NOM1: variants seen among roughly 807,000 people sequenced by gnomAD.
The protein encoded by NOM1 is nucleolar MIF4G domain-containing protein 1.
NOM1 carries 58 observed loss-of-function variants against 73.3 expected under a neutral mutation model. That is an observed-to-expected ratio of 0.79 (90% CI 0.64 to 0.99). The LOEUF is 0.99. Among genes scored for constraint, NOM1 ranks in the 50% least tolerant of loss-of-function variants. The pLI, the probability that NOM1 is intolerant of heterozygous loss-of-function variation, is 0.00. For missense variants in NOM1, 1,226 were observed against 1,131.9 expected, an observed-to-expected ratio of 1.08 and a Z score of -1.19; for synonymous variants, 487 against 446.8, an observed-to-expected ratio of 1.09 and a Z score of -1.14.
chr7:156,957,504 GGTGGCTC>G (rs1804751342), intron 3 of NOM1, among the ~76,000 whole-genome samples: 1 of 152,146 alleles, frequency 6.6e-6, no homozygotes, highest in Admixed American at 6.5e-5. Context: ...AGCCGGGTGT[GGTGGCTC>G]ACGCCTGTAA....
At chr7:156,962,926 C>A in intron 5 of NOM1, 82 bp from the exon 6 acceptor site, 1 of 1,460,682 alleles carries the variant, frequency 6.8e-7, no homozygotes, top group South Asian at 1.3e-5. Context: ...ATGTCATGGT[C>A]AAAAACAAAA....
rs1247831354 is a variant in NOM1, at chr7:156,966,296, G to A, written c.2060G>A (p.Arg687Lys). The change falls in exon 8 of 11, where the codon AGA (arginine) becomes AAA (lysine). Residue 687 changes from arginine to lysine, a missense_variant. Physicochemically the swap from Arg to Lys is conservative, Grantham distance 26. Coordinates refer to ENST00000275820, the MANE Select transcript of NOM1 (RefSeq NM_138400.2). ...LKLGLKDQQE[R>K]EIIHVLMDCC... ...CTTGGACTTAAGGATCAGCAGGAGA[G>A]AGAAATCATTCACGTTCTCATGGAT... 1.2e-6 allele frequency: 2 copies of A among 1,614,138 alleles called. No homozygotes were observed. The highest frequency in any genetic ancestry group is 2.2e-5 in the South Asian group (2 of 91,088).
intron 6 of NOM1, chr7:156,963,510 T>C (rs1439293116): frequency 7.1e-6 from 3 of 419,978 alleles, no homozygotes; most frequent in Non-Finnish European, 1.3e-5. Flanking sequence ...CTACAGGCTA[T>C]GGATTTCACA....
chr7:156,962,306 G>A (rs1804885669), intron 5 of NOM1, 45 bp downstream of exon 5: 5 of 1,433,668 alleles, frequency 3.5e-6, no homozygotes, highest in Non-Finnish European at 4.9e-6. Flanking sequence ...GAGCTTCCGT[G>A]TCGGCATGAG....
At position 156,971,894 on chromosome 7, in the gene NOM1, AT is replaced by A. The variant is rs1805149119; in HGVS notation, c.*2194del. On this transcript the variant is annotated 3_prime_UTR_variant, in exon 11 of 11. Transcript: ENST00000275820. ...CCCTATGTCTTCTAGCAGGTTCTGA[AT>A]TTAGAGGACAAATAAGGTGACAGGT... The A allele has an allele frequency of 6.6e-6, 1 of 152,250 alleles. No individual in the cohort carries two copies. Among genetic ancestry groups the A allele is most frequent in the Non-Finnish European group, 1.5e-5 (1 of 68,036 alleles). The allele number at this position is 152,250 out of a possible 1,614,324, so 9.4% of individuals were successfully genotyped here.
Position 156,950,119 on chromosome 7 carries a change from G to C in NOM1, c.382G>C (p.Glu128Gln), listed in dbSNP as rs776568393. The part of the protein sequence containing the change: ...EASGHRQDTE[E>Q]RARPAPSRDP... The stretch of plus-strand genomic sequence containing the variant: ...CAGCGGTCACCGGCAGGACACGGAG[G>C]AGCGCGCCCGCCCAGCCCCTAGTCG... Residue 128 changes from glutamate (E) to glutamine (Q), a missense_variant, in exon 1 of 11, where the codon GAG becomes CAG. Glu to Gln is a conservative substitution (Grantham distance 29, BLOSUM62 2). Coordinates refer to ENST00000275820, the MANE Select transcript of NOM1 (RefSeq NM_138400.2). 4 of 1,556,066 alleles carry C rather than the reference G, an allele frequency of 2.6e-6. No individual in the cohort carries two copies. Among genetic ancestry groups the C allele is most frequent in the Admixed American group, 3.9e-5 (2 of 51,616 alleles).
chr7:156,955,113 T>G (rs1219259826), intron 3 of NOM1, among the ~76,000 whole-genome samples: 1 of 152,206 alleles, frequency 6.6e-6, no homozygotes, highest in Non-Finnish European at 1.5e-5. Flanking sequence ...AGAAAGCATC[T>G]GGCACCCGAC....
chr7:156,961,274 G>A (rs923267811), intron 4 of NOM1, among the ~76,000 whole-genome samples: 11 of 152,308 alleles, frequency 7.2e-5, no homozygotes, highest in Admixed American at 3.3e-4. Flanking sequence ...ATTCACGCCC[G>A]TGTGGGATGC....
Position 156,969,915 on chromosome 7 carries a change from AGGGAG to A in NOM1, c.*215_*219del. 7.0e-6 allele frequency: 3 copies of A among 425,792 alleles called. No individual in the cohort carries two copies. Among genetic ancestry groups the A allele is most frequent in the East Asian group, 4.2e-5 (1 of 23,956 alleles). 26.4% of individuals were successfully genotyped at this position (425,792 alleles called of 1,614,324 possible). A position where few individuals can be genotyped will look rare whatever the true frequency, so the allele number is the denominator to read the frequency against. On this transcript the variant is annotated 3_prime_UTR_variant, in exon 11 of 11. Transcript: ENST00000275820. Reference sequence around the variant, plus strand: ...CTATCTTGGGGGTGAGAGGAGAAGGAGGGAGGGAAAAGGGGTCAGGCACACTGGAC... The same window carrying A: ...CTATCTTGGGGGTGAGAGGAGAAGGAGGAAAAGGGGTCAGGCACACTGGAC...
intron 7 of NOM1, among the ~76,000 whole-genome samples, chr7:156,965,082 CAGTT>C (rs1804961986): frequency 6.6e-6 from 1 of 152,360 alleles, no homozygotes; most frequent in South Asian, 2.1e-4. Flanking sequence ...AGCTGAAACT[CAGTT>C]GGTTCTTTGG....
chr7:156,960,320 A>G (rs1419225885), intron 4 of NOM1, 146 bp downstream of exon 4: 17 of 651,670 alleles, frequency 2.6e-5, no homozygotes, highest in South Asian at 1.4e-4. Flanking sequence ...TCTGGCTTTA[A>G]TATGTGAATG....
Position 156,950,159 on chromosome 7 carries a change from C to T in NOM1, c.422C>T (p.Pro141Leu), listed in dbSNP as rs770472356. 2.8e-5 allele frequency: 45 copies of T among 1,593,720 alleles called. No individual in the cohort carries two copies. In the South Asian group the frequency reaches 4.8e-4, roughly 17 times the overall value. Residue 141 changes from proline (P) to leucine (L), a missense_variant, in exon 1 of 11, where the codon CCC becomes CTC. Coordinates refer to ENST00000275820, the MANE Select transcript of NOM1 (RefSeq NM_138400.2). ...RPAPSRDPSP[P>L]RKPRPSRVKA... ...GCCCCTAGTCGGGACCCCTCGCCTC[C>T]CAGGAAGCCGCGGCCGTCCCGGGTC...
rs192040692 is a variant in NOM1, at chr7:156,952,204, G to C, written c.988-270G>C. Reference sequence around the variant, plus strand: ...GTTGAGCAGATACCAGAGGTGCACAGCTGGGTCTGAAGAGCTACACAGGGG... The same window carrying C: ...GTTGAGCAGATACCAGAGGTGCACACCTGGGTCTGAAGAGCTACACAGGGG... On this transcript the variant is annotated intron_variant, in intron 1 of 10. Coordinates refer to ENST00000275820, the MANE Select transcript of NOM1 (RefSeq NM_138400.2). 2.4e-4 allele frequency among the ~76,000 whole-genome samples: 36 copies of C among 152,290 alleles called. 1 individual carries two copies. The highest frequency in any genetic ancestry group is 8.2e-4 in the African/African-American group (34 of 41,562).
chr7:156,973,069 T>C lies in NOM1; in HGVS notation c.*3366T>C, dbSNP rs1416870105. 2.7e-5 allele frequency: 4 copies of C among 150,730 alleles called. No homozygotes were observed. The highest frequency in any genetic ancestry group is 7.3e-5 in the African/African-American group (3 of 40,854). 9.3% of individuals were successfully genotyped at this position (150,730 alleles called of 1,614,324 possible). A position where few individuals can be genotyped will look rare whatever the true frequency, so the allele number is the denominator to read the frequency against. On this transcript the variant is annotated 3_prime_UTR_variant, in exon 11 of 11. Coordinates refer to ENST00000275820, the MANE Select transcript of NOM1 (RefSeq NM_138400.2). ...TACAATGCAGGTTGAGAACTGCTAA[T>C]GTATAGAATGACTAAACAGCTGTCT...
rs1426602770 is a variant in NOM1, at chr7:156,972,663, CTA to C, written c.*2962_*2963del. 6.6e-6 allele frequency: 1 copy of C among 152,186 alleles called. No individual in the cohort carries two copies. The highest frequency in any genetic ancestry group is 1.9e-4 in the East Asian group (1 of 5,186). 9.4% of individuals were successfully genotyped at this position (152,186 alleles called of 1,614,324 possible). A position where few individuals can be genotyped will look rare whatever the true frequency, so the allele number is the denominator to read the frequency against. ...TGGCCAACATGGCAAAACCCCGTCT[CTA>C]TGAAAAATATAAAAATTAGCTGGGC... On this transcript the variant is annotated 3_prime_UTR_variant, in exon 11 of 11. Transcript: ENST00000275820.
chr7:156,960,188 G>A lies in NOM1; in HGVS notation c.1632+14G>A, dbSNP rs772084489. On this transcript the variant is annotated intron_variant, in intron 4 of 10. Transcript: ENST00000275820. ...GACCAGACCAGGGTACGCGTGCGAC[G>A]CTTGATCTGCTTCCTAAGTCCCTAA... 1.2e-5 allele frequency: 19 copies of A among 1,593,616 alleles called. No homozygotes were observed. The East Asian group carries it at 2.0e-4, about 17-fold the overall frequency.
At position 156,949,843 on chromosome 7, in the gene NOM1, G is replaced by A. The variant is rs1369450720; in HGVS notation, c.106G>A (p.Gly36Ser). 1.1e-5 allele frequency: 16 copies of A among 1,465,520 alleles called. No individual in the cohort carries two copies. The highest frequency in any genetic ancestry group is 1.8e-4 in the Middle Eastern group (1 of 5,580). The allele number at this position is 1,465,520 out of a possible 1,614,324, so 90.8% of individuals were successfully genotyped here. The change falls in exon 1 of 11, where the codon GGC (glycine) becomes AGC (serine). Residue 36 changes from glycine (G) to serine (S), a missense_variant. Transcript: ENST00000275820. ...GCGCGGGCCGCGCCGCGGTCCTGCT[G>A]GCGGTGGGGAGAAGGCCCTGAAGAG... ...GGRGPRRGPA[G>S]GGEKALKRLK...
Position 156,949,829 on chromosome 7 carries a change from G to C in NOM1, c.92G>C (p.Arg31Pro). The stretch of plus-strand genomic sequence containing the variant: ...AAGCGCAGAGGCGGGCGCGGGCCGC[G>C]CCGCGGTCCTGCTGGCGGTGGGGAG... ...RMKRRGGRGP[R>P]RGPAGGGEKA... Residue 31 changes from arginine to proline, a missense_variant, in exon 1 of 11, where the codon CGC (arginine) becomes CCC (proline). Coordinates refer to ENST00000275820, the MANE Select transcript of NOM1 (RefSeq NM_138400.2). The C allele has an allele frequency of 1.4e-6, 2 of 1,447,024 alleles. No homozygotes were observed. Among genetic ancestry groups the C allele is most frequent in the Non-Finnish European group, 1.8e-6 (2 of 1,102,460 alleles). 89.6% of individuals were successfully genotyped at this position (1,447,024 alleles called of 1,614,324 possible).
chr7:156,961,446 G>A (rs1262038689), intron 4 of NOM1, among the ~76,000 whole-genome samples: 1 of 152,112 alleles, frequency 6.6e-6, no homozygotes, highest in Non-Finnish European at 1.5e-5. Context: ...ATGGAGAAGA[G>A]ACAGAAAGTA....
Sources: allele counts gnomAD v4.1 joint callset (sites outside exome capture counted in the v4.1 genomes callset), GRCh38; gene constraint gnomAD v4.1.1; transcripts MANE v1.5; gene names NCBI Gene and HGNC (gene_info 2026-07-23, HGNC 2026-07-21).